RPS6KA2: variants seen among roughly 807,000 people sequenced by gnomAD.
The protein encoded by RPS6KA2 is ribosomal protein S6 kinase alpha-2.
In RPS6KA2, 42 loss-of-function variants were observed where a neutral mutation model predicts 91.8. The ratio of observed to expected loss-of-function variants is 0.46; its 90% CI spans 0.36 to 0.59. The LOEUF (loss-of-function observed/expected upper bound fraction) is 0.59. Among genes scored for constraint, RPS6KA2 ranks in the 20% least tolerant of loss-of-function variants. The pLI is 0.00. For missense variants in RPS6KA2, 798 were observed against 978.5 expected, an observed-to-expected ratio of 0.82 and a Z score of 2.46; for synonymous variants, 414 against 393.6, an observed-to-expected ratio of 1.05 and a Z score of -0.61.
At chr6:166,703,575 A>G (rs1398488540) in intron 2 of RPS6KA2, among the ~76,000 whole-genome samples, 1 of 152,230 alleles carries the variant, frequency 6.6e-6, no homozygotes, top group East Asian at 1.9e-4. Flanking sequence ...GACATACAGG[A>G]GAGATGTCAT....
intron 10 of RPS6KA2, among the ~76,000 whole-genome samples, chr6:166,487,180 A>G (rs1292303642): frequency 6.6e-6 from 1 of 152,188 alleles, no homozygotes; most frequent in African/African-American, 2.4e-5. Flanking sequence ...CATACATTTA[A>G]CATTCTGATG....
chr6:166,836,480 A>C (rs968960899), intron 2 of RPS6KA2, among the ~76,000 whole-genome samples: 4 of 88,168 alleles, frequency 4.5e-5, no homozygotes, highest in Non-Finnish European at 1.0e-4. Flanking sequence ...TCTACCTCCA[A>C]GTTTTCTGAT....
intron 2 of RPS6KA2, among the ~76,000 whole-genome samples, chr6:166,677,843 T>C (rs1473714003): frequency 1.3e-5 from 2 of 152,310 alleles, no homozygotes; most frequent in East Asian, 3.9e-4. Context: ...ATTTTGGAAA[T>C]TATCTGAGAC....
chr6:166,715,367 C>T (rs944553786), intron 2 of RPS6KA2, among the ~76,000 whole-genome samples: 1 of 152,208 alleles, frequency 6.6e-6, no homozygotes, highest in African/African-American at 2.4e-5. Context: ...TGCCAGCTGC[C>T]TCTTAAAAAG....
chr6:166,737,181 C>T lies in RPS6KA2; in HGVS notation c.123+121019G>A, dbSNP rs1197057706. Among the ~76,000 whole-genome samples, 1 of 152,214 alleles carries T rather than the reference C, an allele frequency of 6.6e-6. No homozygotes were observed. Among genetic ancestry groups the T allele is most frequent in the African/African-American group, 2.4e-5 (1 of 41,462 alleles). On this transcript the variant is annotated intron_variant, in intron 2 of 21. Coordinates refer to the RPS6KA2 transcript ENST00000503859. The surrounding 1 kb of genome is among the most constrained non-coding windows in gnomAD (Gnocchi z 4.3). Reference sequence around the variant, plus strand: ...GAGACACAATTTTTAAGACATTCCTCATCAGTTGCCAAATATTGATTATTC... The same window carrying T: ...GAGACACAATTTTTAAGACATTCCTTATCAGTTGCCAAATATTGATTATTC...
At chr6:166,623,141 A>G (rs1367741873) in intron 1 of RPS6KA2, among the ~76,000 whole-genome samples, 1 of 152,268 alleles carries the variant, frequency 6.6e-6, no homozygotes, top group Non-Finnish European at 1.5e-5. Flanking sequence ...AGCTCAAATA[A>G]TAGGTCACCA....
chr6:166,419,870 G>C lies in RPS6KA2; in HGVS notation c.1820+12C>G, dbSNP rs773725789. The C allele has an allele frequency of 1.1e-5, 17 of 1,612,010 alleles. No homozygotes were observed. Among genetic ancestry groups the C allele is most frequent in the Non-Finnish European group, 1.4e-5 (17 of 1,178,246 alleles). ...TGTCTCCTCCTGACACCTGTTTGAG[G>C]TGACTGCTTACCCTGCCAGCATGGT... On this transcript the variant is annotated intron_variant, in intron 18 of 20. Transcript: ENST00000265678. This position sits in a 1 kb window ranked among gnomAD's most constrained non-coding sequence, Gnocchi z 5.6.
rs562323028 is a variant in RPS6KA2, at chr6:166,486,030, C to T, written c.907+2803G>A. On this transcript the variant is annotated intron_variant, in intron 10 of 20. Coordinates refer to ENST00000265678, the MANE Select transcript of RPS6KA2 (RefSeq NM_021135.6). Reference sequence around the variant, plus strand: ...GCACCAGGACCAGCGAGTGAAGGGCCAAGGTGCAGACAGCTTTAGGAGCTG... The same window carrying T: ...GCACCAGGACCAGCGAGTGAAGGGCTAAGGTGCAGACAGCTTTAGGAGCTG... Among the ~76,000 whole-genome samples the T allele has an allele frequency of 3.3e-5, 5 of 152,306 alleles. No homozygotes were observed. In the South Asian group the frequency reaches 1.0e-3, roughly 32 times the overall value.
chr6:166,820,466 T>C (rs4145071), intron 2 of RPS6KA2, among the ~76,000 whole-genome samples: 6,281 of 88,500 alleles, frequency 0.071, 546 homozygotes, highest in East Asian at 0.55. Context: ...TGAGAAGCCT[T>C]GTGTGAAGGT....
rs549166256 is a variant in RPS6KA2, at chr6:166,550,803, C to A, written c.100-12019G>T. On this transcript the variant is annotated intron_variant, in intron 1 of 20. Transcript: ENST00000265678. ...AGATCACAAGGTCAGGAGATCGACA[C>A]CATCCTGGCTAACACGGTGAAACCC... is the stretch of plus-strand genomic sequence containing the variant. Among the ~76,000 whole-genome samples the A allele has an allele frequency of 1.9e-4, 29 of 152,050 alleles. No homozygotes were observed. The South Asian group carries it at 5.6e-3, about 29-fold the overall frequency.
intron 17 of RPS6KA2, among the ~76,000 whole-genome samples, chr6:166,420,587 G>A (rs1346126441): frequency 1.3e-5 from 2 of 152,116 alleles, no homozygotes; most frequent in African/African-American, 4.8e-5. Context: ...CTGCAGGCTG[G>A]ACAATGTTCC....
intron 2 of RPS6KA2, among the ~76,000 whole-genome samples, chr6:166,816,135 T>C (rs1173491833): frequency 6.6e-6 from 1 of 152,206 alleles, no homozygotes; most frequent in African/African-American, 2.4e-5. Flanking sequence ...CAGCATTATA[T>C]AAGCAAAATC....
intron 2 of RPS6KA2, among the ~76,000 whole-genome samples, chr6:166,802,943 TGTA>T (rs1256166178): frequency 0.011 from 1,584 of 143,290 alleles, 26 homozygotes; most frequent in African/African-American, 0.04. Context: ...TGTGTGTGTG[TGTA>T]TATATATATA....
chr6:166,748,680 T>G (rs188940772), intron 2 of RPS6KA2, among the ~76,000 whole-genome samples: 386 of 4,664 alleles, frequency 0.083, 22 homozygotes, highest in Middle Eastern at 0.17. Flanking sequence ...ATCTCCTCGG[T>G]CCCCCATTTC....
rs1261024525 is a variant in RPS6KA2, at chr6:166,770,970, C to G, written c.123+87230G>C. On this transcript the variant is annotated intron_variant, in intron 2 of 21. Transcript: ENST00000503859. This position sits in a 1 kb window ranked among gnomAD's most constrained non-coding sequence, Gnocchi z 5.1. The stretch of plus-strand genomic sequence containing the variant: ...TTAAGTCACAGGACGTATTTACAGT[C>G]AGCAACTTCATTAGCAAGGGCATTA... 1 of 1,505,774 alleles carries G rather than the reference C, an allele frequency of 6.6e-7. No homozygotes were observed. The highest frequency in any genetic ancestry group is 9.0e-7 in the Non-Finnish European group (1 of 1,107,604). The allele number at this position is 1,505,774 out of a possible 1,614,324, so 93.3% of individuals were successfully genotyped here.
At position 166,721,225 on chromosome 6, in the gene RPS6KA2, G is replaced by A. The variant is rs188921150; in HGVS notation, c.123+136975C>T. 1.5e-3 allele frequency among the ~76,000 whole-genome samples: 228 copies of A among 152,322 alleles called. 1 individual carries two copies. The highest frequency in any genetic ancestry group is 3.4e-3 in the Middle Eastern group (1 of 294). ...AATAACACAGGAAAGGTGGAAAGGCGGGGGACATCGGGGGTGCGACTGAGG... is the reference window on the plus strand; with the variant it reads ...AATAACACAGGAAAGGTGGAAAGGCAGGGGACATCGGGGGTGCGACTGAGG... On this transcript the variant is annotated intron_variant, in intron 2 of 21. Transcript: ENST00000503859.
intron 4 of RPS6KA2, chr6:166,509,379 G>A (rs1258803530): frequency 5.9e-6 from 1 of 170,248 alleles, no homozygotes; most frequent in Non-Finnish European, 1.5e-5. Context: ...GCAGCGGAGG[G>A]GGCAGAGTTT....
Position 166,451,331 on chromosome 6 carries a change from C to CCG in RPS6KA2, c.1076-100_1076-99dup. ...GTGCATGTGGTATGTGTGTGCAAGT[C>CCG]CGTGTGTGTGTGTGTGTGTGTGTGT... On this transcript the variant is annotated intron_variant, in intron 12 of 20. Coordinates refer to ENST00000265678, the MANE Select transcript of RPS6KA2 (RefSeq NM_021135.6). The CCG allele has an allele frequency of 3.5e-6, 4 of 1,153,428 alleles. No individual in the cohort carries two copies. In the South Asian group the frequency reaches 5.4e-5, roughly 16 times the overall value. 71.4% of individuals were successfully genotyped at this position (1,153,428 alleles called of 1,614,324 possible). A position where few individuals can be genotyped will look rare whatever the true frequency, so the allele number is the denominator to read the frequency against.
chr6:166,541,485 C>A (rs2128496011), intron 1 of RPS6KA2, among the ~76,000 whole-genome samples: 1 of 152,334 alleles, frequency 6.6e-6, no homozygotes, highest in East Asian at 1.9e-4. Flanking sequence ...GTGGGACATG[C>A]CTTTGTGGGA....
Sources: gnomAD v4.1 joint callset for allele counts (sites outside exome capture counted in the v4.1 genomes callset) on GRCh38, gnomAD v4.1.1 for gene constraint, Gnocchi (gnomAD v3.1) non-coding constraint, MANE v1.5 for transcripts, NCBI Gene and HGNC (gene_info 2026-07-23, HGNC 2026-07-21) for gene names.